The following HPSE2 variants were observed in gnomAD, a reference collection of about 807,000 sequenced individuals.
The protein encoded by HPSE2 is inactive heparanase-2.
In HPSE2, 38 loss-of-function variants were observed where a neutral mutation model predicts 60.5. The observed-to-expected ratio is 0.63, with a 90% CI of 0.48 to 0.82. HPSE2 has a LOEUF of 0.82. HPSE2 is among the 40% of genes least tolerant of loss of function. HPSE2 has a pLI of 0.00. For synonymous variants in HPSE2, 295 were observed against 293.2 expected (o/e 1.01, Z -0.06); for missense variants, 713 against 740.4 (o/e 0.96, Z 0.43).
intron 3 of HPSE2, among the ~76,000 whole-genome samples, chr10:99,033,046 A>G (rs1957532607): frequency 6.6e-6 from 1 of 152,234 alleles, no homozygotes; most frequent in South Asian, 2.1e-4. Context: ...AGATTTCCAG[A>G]AATTAGGACA....
At chr10:99,259,536 C>T in the HPSE2 span, among the ~76,000 whole-genome samples, 40 of 152,252 alleles carry the variant, frequency 2.6e-4, no homozygotes, top group East Asian at 7.7e-3. Context: ...CGAAAAGATG[C>T]TCAACATCAT....
At chr10:99,211,489 T>C (rs542447971) in intron 2 of HPSE2, among the ~76,000 whole-genome samples, 1 of 151,908 alleles carries the variant, frequency 6.6e-6, no homozygotes, top group African/African-American at 2.4e-5. Context: ...GAAAAAAAAG[T>C]ATGGTACTGG....
chr10:98,956,659 C>T (rs1207335295), intron 3 of HPSE2, among the ~76,000 whole-genome samples: 1 of 152,166 alleles, frequency 6.6e-6, no homozygotes, highest in African/African-American at 2.4e-5. Flanking sequence ...GAATACACTT[C>T]TTTCCTTTTA....
chr10:99,208,090 T>C (rs1848823033), intron 2 of HPSE2, among the ~76,000 whole-genome samples: 1 of 150,852 alleles, frequency 6.6e-6, no homozygotes, highest in Non-Finnish European at 1.5e-5. Context: ...CATAATAAAA[T>C]TCAAACATGT....
Position 98,501,862 on chromosome 10 carries a change from G to T in HPSE2, c.1321-11666C>A, listed in dbSNP as rs182350514. Among the ~76,000 whole-genome samples the T allele has an allele frequency of 2.7e-3, 415 of 152,028 alleles. 2 individuals carry two copies. Among genetic ancestry groups the T allele is most frequent in the African/African-American group, 9.5e-3 (395 of 41,458 alleles). On this transcript the variant is annotated intron_variant, in intron 9 of 11. Coordinates refer to ENST00000370552, the MANE Select transcript of HPSE2 (RefSeq NM_021828.5). ...AATTCAGCAAAGTTTCTGAATACAAGATTAATGTACACAAATTGGTAGCTC... is the reference window on the plus strand; with the variant it reads ...AATTCAGCAAAGTTTCTGAATACAATATTAATGTACACAAATTGGTAGCTC...
At chr10:99,092,007 CTTTAGATCA>C (rs1843531847) in intron 3 of HPSE2, among the ~76,000 whole-genome samples, 1 of 152,122 alleles carries the variant, frequency 6.6e-6, no homozygotes, top group African/African-American at 2.4e-5. Flanking sequence ...AAAATACATT[CTTTAGATCA>C]TTCCAGTCTC....
At chr10:99,005,038 T>C (rs1052109780) in intron 3 of HPSE2, among the ~76,000 whole-genome samples, 2 of 152,220 alleles carry the variant, frequency 1.3e-5, no homozygotes, top group Non-Finnish European at 2.9e-5. Context: ...CTCCCTTATA[T>C]GTGATCTGCT....
chr10:98,715,971 C>G (rs1028589187), intron 5 of HPSE2, among the ~76,000 whole-genome samples: 2 of 152,052 alleles, frequency 1.3e-5, no homozygotes, highest in Admixed American at 6.6e-5. Flanking sequence ...ATTATACCCA[C>G]AGTAGAAACT....
rs1474198983 is a variant in HPSE2, at chr10:99,036,979, A to G, written c.610+107259T>C. Among the ~76,000 whole-genome samples, 3 of 152,286 alleles carry G rather than the reference A, an allele frequency of 2.0e-5. No individual in the cohort carries two copies. In the East Asian group the frequency reaches 5.8e-4, roughly 29 times the overall value. ...CAAACACCGCAGTAACTAAAAGAGC[A>G]AGATTAGTATCACTAAGAAGAAGAA... is the stretch of plus-strand genomic sequence containing the variant. On this transcript the variant is annotated intron_variant, in intron 3 of 11. Transcript: ENST00000370552.
At chr10:99,255,594 ACG>A in the HPSE2 span, among the ~76,000 whole-genome samples, 1 of 150,910 alleles carries the variant, frequency 6.6e-6, no homozygotes, top group Non-Finnish European at 1.5e-5. Flanking sequence ...ACACACACAC[ACG>A]ACTACAATAG....
At chr10:98,654,848 G>A (rs1016670237) in intron 6 of HPSE2, among the ~76,000 whole-genome samples, 6 of 152,154 alleles carry the variant, frequency 3.9e-5, no homozygotes, top group Admixed American at 3.3e-4. Context: ...GAGGTTTTGG[G>A]CGAGGAGTTG....
chr10:98,841,375 C>T (rs1951909349), intron 3 of HPSE2, among the ~76,000 whole-genome samples: 2 of 152,164 alleles, frequency 1.3e-5, no homozygotes, highest in South Asian at 4.1e-4. Context: ...TTATCCCAGT[C>T]CTTTAGGATT....
intron 5 of HPSE2, among the ~76,000 whole-genome samples, chr10:98,696,868 C>A (rs1240054721): frequency 6.6e-6 from 1 of 152,188 alleles, no homozygotes; most frequent in Non-Finnish European, 1.5e-5. Flanking sequence ...AGGGCCTGAA[C>A]TGAACCCCCA....
At chr10:98,848,391 C>A (rs532502810) in intron 3 of HPSE2, among the ~76,000 whole-genome samples, 2 of 151,726 alleles carry the variant, frequency 1.3e-5, no homozygotes, top group South Asian at 4.2e-4. Flanking sequence ...GCATTCCAGC[C>A]TGGGTGACAG....
the HPSE2 span, among the ~76,000 whole-genome samples, chr10:99,301,413 C>A: frequency 6.6e-6 from 1 of 152,296 alleles, no homozygotes; most frequent in Non-Finnish European, 1.5e-5. Context: ...TAGCCCAGAT[C>A]TTTGCAAAAG....
At chr10:98,511,671 C>T (rs543936881) in intron 9 of HPSE2, among the ~76,000 whole-genome samples, 7 of 150,798 alleles carry the variant, frequency 4.6e-5, no homozygotes, top group South Asian at 2.1e-4. Context: ...GAGATCAGGG[C>T]CTGTATCTTT....
chr10:98,960,836 C>A, intron 3 of HPSE2, among the ~76,000 whole-genome samples: 1 of 145,632 alleles, frequency 6.9e-6, no homozygotes. Flanking sequence ...TGCGCTGCAC[C>A]CACTAATGAG....
At chr10:98,597,384 G>A (rs998363380) in intron 9 of HPSE2, among the ~76,000 whole-genome samples, 1 of 151,964 alleles carries the variant, frequency 6.6e-6, no homozygotes, top group African/African-American at 2.4e-5. Context: ...AAAATTTGTG[G>A]CCATGTGCCA....
At chr10:98,982,440 G>A (rs1044477224) in intron 3 of HPSE2, among the ~76,000 whole-genome samples, 2 of 152,066 alleles carry the variant, frequency 1.3e-5, no homozygotes, top group South Asian at 2.1e-4. Flanking sequence ...GGTTCTCATC[G>A]ATTCAAATTC....
Sources: allele counts gnomAD v4.1 joint callset (sites outside exome capture counted in the v4.1 genomes callset), GRCh38; gene constraint gnomAD v4.1.1; transcripts MANE v1.5; gene names NCBI Gene and HGNC (gene_info 2026-07-23, HGNC 2026-07-21).